The following SLC35F4 variants were observed in gnomAD, a reference collection of about 807,000 sequenced individuals.
SLC35F4 encodes the protein chromosome 14 open reading frame 36.
SLC35F4 carries 24 observed loss-of-function variants against 44.2 expected under a neutral mutation model. The ratio of observed to expected loss-of-function variants is 0.54; its 90% confidence interval spans 0.39 to 0.76. The LOEUF is 0.76. Among genes scored for constraint, SLC35F4 ranks in the 30% least tolerant of loss-of-function variants. SLC35F4 has a pLI of 0.00. For missense variants in SLC35F4, 562 were observed against 586.1 expected, an observed-to-expected ratio of 0.96 and a Z score of 0.42; for synonymous variants, 238 against 223.6, an observed-to-expected ratio of 1.06 and a Z score of -0.57.
At chr14:57,761,733 C>T (rs2077129637) in intron 1 of SLC35F4, among the ~76,000 whole-genome samples, 1 of 152,036 alleles carries the variant, frequency 6.6e-6, no homozygotes, top group Admixed American at 6.6e-5. Flanking sequence ...TTAAATAAAG[C>T]ATAAAATTGA....
At chr14:57,569,371 T>C (rs111346729) in intron 6 of SLC35F4, among the ~76,000 whole-genome samples, 2,015 of 152,204 alleles carry the variant, frequency 0.013, 49 homozygotes, top group African/African-American at 0.046. Context: ...TTCCTTCCTT[T>C]CTTCCAAACT....
intron 1 of SLC35F4, among the ~76,000 whole-genome samples, chr14:57,969,537 T>C (rs1038144265): frequency 6.6e-6 from 1 of 152,220 alleles, no homozygotes; most frequent in African/African-American, 2.4e-5. Flanking sequence ...AATCTGTCTA[T>C]TCTCTATACA....
At chr14:57,795,777 A>G (rs2078039705) in intron 1 of SLC35F4, among the ~76,000 whole-genome samples, 1 of 152,220 alleles carries the variant, frequency 6.6e-6, no homozygotes, top group South Asian at 2.1e-4. Context: ...AATTAATAAT[A>G]GACATCTTTC....
rs201859772 is a variant in SLC35F4 at position 57,615,357 on chromosome 14, T to TTTC, written c.104-21234_104-21233insGAA. Among the ~76,000 whole-genome samples the TTTC allele has an allele frequency of 2.8e-3, 389 of 138,252 alleles. 1 individual carries two copies. The highest frequency in any genetic ancestry group is 4.3e-3 in the Admixed American group (59 of 13,740). 90.7% of individuals were successfully genotyped at this position (138,252 alleles called of 152,430 possible). A position where few individuals can be genotyped will look rare whatever the true frequency, so the allele number is the denominator to read the frequency against. ...AAAGAACAAGAAACAAACATTTTCC[T>TTTC]TTTTTTTTTTTTAACTGCTCACTTC... On this transcript the variant is annotated intron_variant, in intron 1 of 7. Transcript: ENST00000556826.
chr14:57,821,771 AC>A (rs777277792), intron 1 of SLC35F4, among the ~76,000 whole-genome samples: 1 of 152,222 alleles, frequency 6.6e-6, no homozygotes, highest in Non-Finnish European at 1.5e-5. Flanking sequence ...GGTCTAAGCA[AC>A]CAGGTGACCT....
intron 1 of SLC35F4, among the ~76,000 whole-genome samples, chr14:57,942,173 G>T (rs541661441): frequency 1.3e-5 from 2 of 152,106 alleles, no homozygotes; most frequent in Admixed American, 1.3e-4. Context: ...TTTCCTTGCC[G>T]CAAAGCTTTC....
At chr14:57,982,366 A>C (rs1036868631), upstream of SLC35F4, among the ~76,000 whole-genome samples, 1 of 152,158 alleles carries the variant, frequency 6.6e-6, no homozygotes, top group Non-Finnish European at 1.5e-5. Flanking sequence ...AAAAGTACAC[A>C]CTCATCAAAA....
Position 57,855,429 on chromosome 14 carries a change from T to C in SLC35F4, c.103+10294A>G, listed in dbSNP as rs564575771. Among the ~76,000 whole-genome samples the C allele has an allele frequency of 9.2e-5, 14 of 151,994 alleles. 1 individual carries two copies. Among genetic ancestry groups the C allele is most frequent in the Admixed American group, 3.9e-4 (6 of 15,282 alleles). On this transcript the variant is annotated intron_variant, in intron 1 of 7. Coordinates refer to ENST00000556826, the MANE Select transcript of SLC35F4 (RefSeq NM_001306087.2). The stretch of plus-strand genomic sequence containing the variant: ...AAGACATTTATGCAGCCAAGAAACA[T>C]ATGAAAAAATGCTCACCATCACTGG...
intron 1 of SLC35F4, among the ~76,000 whole-genome samples, chr14:57,957,095 G>A (rs1594652492): frequency 6.6e-6 from 1 of 152,136 alleles, no homozygotes; most frequent in Non-Finnish European, 1.5e-5. Context: ...ATATACCATG[G>A]AATACTATGC....
At chr14:57,808,208 G>A (rs987939637) in intron 1 of SLC35F4, among the ~76,000 whole-genome samples, 1 of 151,768 alleles carries the variant, frequency 6.6e-6, no homozygotes, top group African/African-American at 2.4e-5. Context: ...ACAATCCTAT[G>A]AGGTAGGTAT....
intron 1 of SLC35F4, among the ~76,000 whole-genome samples, chr14:57,649,718 G>A (rs2073699990): frequency 6.6e-6 from 1 of 152,134 alleles, no homozygotes; most frequent in Non-Finnish European, 1.5e-5. Flanking sequence ...TGGCTGGCAT[G>A]TGATGGGCAC....
At chr14:57,762,935 G>A (rs535519288) in intron 1 of SLC35F4, among the ~76,000 whole-genome samples, 98 of 152,150 alleles carry the variant, frequency 6.4e-4, no homozygotes, top group Non-Finnish European at 1.0e-3. Flanking sequence ...CAAAAGAATT[G>A]GTTCAGTAAT....
intron 1 of SLC35F4, among the ~76,000 whole-genome samples, chr14:57,940,147 T>C (rs1426182871): frequency 6.6e-6 from 1 of 152,160 alleles, no homozygotes; most frequent in East Asian, 1.9e-4. Flanking sequence ...GTGAATAGAA[T>C]AGAAGATGAA....
chr14:57,579,835 CTGT>C (rs765028672), intron 4 of SLC35F4, among the ~76,000 whole-genome samples: 75 of 152,264 alleles, frequency 4.9e-4, no homozygotes, highest in Middle Eastern at 3.4e-3. Flanking sequence ...GCTCAGTGCT[CTGT>C]TGTTGTTATC....
chr14:57,806,866 G>A (rs1270171812), intron 1 of SLC35F4, among the ~76,000 whole-genome samples: 1 of 152,102 alleles, frequency 6.6e-6, no homozygotes, highest in Non-Finnish European at 1.5e-5. Flanking sequence ...GCAAACATTT[G>A]GAAAAAATAA....
chr14:57,707,755 G>T (rs540780934), intron 1 of SLC35F4, among the ~76,000 whole-genome samples: 4 of 152,264 alleles, frequency 2.6e-5, no homozygotes, highest in African/African-American at 9.6e-5. Flanking sequence ...ATGTGGGAAA[G>T]CTTGGAACTT....
chr14:57,874,528 A>G (rs536222477), intron 1 of SLC35F4, among the ~76,000 whole-genome samples: 1 of 152,334 alleles, frequency 6.6e-6, no homozygotes, highest in South Asian at 2.1e-4. Context: ...TAACTTGCCC[A>G]GTGCAAAGTT....
intron 1 of SLC35F4, among the ~76,000 whole-genome samples, chr14:57,790,142 C>T (rs375842715): frequency 2.0e-5 from 3 of 152,070 alleles, no homozygotes; most frequent in Admixed American, 2.0e-4. Flanking sequence ...AAGTTCTGGC[C>T]AGGGCAATCA....
chr14:57,663,864 T>C (rs752605218), intron 1 of SLC35F4, among the ~76,000 whole-genome samples: 2 of 152,220 alleles, frequency 1.3e-5, no homozygotes, highest in East Asian at 1.9e-4. Context: ...AGATTGCAAA[T>C]TGGCAGTTCA....
Sources: allele counts gnomAD v4.1 joint callset (sites outside exome capture counted in the v4.1 genomes callset), GRCh38; gene constraint gnomAD v4.1.1; transcripts MANE v1.5; gene names NCBI Gene and HGNC (gene_info 2026-07-23, HGNC 2026-07-21).